ROBO1: variants seen among roughly 807,000 people sequenced by gnomAD.
ROBO1 encodes roundabout guidance receptor 1, also known as roundabout homolog 1.
ROBO1 carries 149 observed loss-of-function variants against 195.9 expected under a neutral mutation model. The ratio of observed to expected loss-of-function variants is 0.76; its 90% CI spans 0.67 to 0.87. The LOEUF (loss-of-function observed/expected upper bound fraction) is 0.87, where lower values mean the gene tolerates loss of function less well. Among genes scored for constraint, ROBO1 ranks in the 40% least tolerant of loss-of-function variants. The probability of loss-of-function intolerance (pLI) is 0.00; values close to 1 mark genes in which losing one functional copy is unlikely to be tolerated. For missense variants in ROBO1, 1,933 were observed against 2,068.3 expected (o/e 0.93, Z 1.27); for synonymous variants, 816 against 733.2 (o/e 1.11, Z -1.82).
Position 78,794,527 on chromosome 3 carries a change from T to C in ROBO1, c.500-47627A>G, listed in dbSNP as rs1576179036. On this transcript the variant is annotated intron_variant, in intron 4 of 30. Coordinates refer to ENST00000464233, the MANE Select transcript of ROBO1 (RefSeq NM_002941.4). ...TTACAAGGCATACTAACAACCAGGATGTAGAGTGTTGAATGGAGCACAACA... is the reference window on the plus strand; with the variant it reads ...TTACAAGGCATACTAACAACCAGGACGTAGAGTGTTGAATGGAGCACAACA... Among the ~76,000 whole-genome samples, 3 of 152,144 alleles carry C rather than the reference T, an allele frequency of 2.0e-5. No individual in the cohort carries two copies. The South Asian group carries it at 6.2e-4, about 32-fold the overall frequency.
intron 2 of ROBO1, among the ~76,000 whole-genome samples, chr3:79,158,957 C>T (rs939478388): frequency 6.6e-6 from 1 of 151,862 alleles, no homozygotes; most frequent in South Asian, 2.1e-4. Flanking sequence ...AGATTAGGTG[C>T]CATTCACTTC....
chr3:79,692,916 G>C (rs1210780241), intron 1 of ROBO1, among the ~76,000 whole-genome samples: 1 of 151,740 alleles, frequency 6.6e-6, no homozygotes, highest in Non-Finnish European at 1.5e-5. Flanking sequence ...ATTCATTTAT[G>C]TTTCATATAC....
intron 29 of ROBO1, among the ~76,000 whole-genome samples, chr3:78,605,993 C>G (rs1022007464): frequency 2.6e-5 from 4 of 152,168 alleles, no homozygotes; most frequent in Non-Finnish European, 4.4e-5. Context: ...TAGAGTGTTA[C>G]TGTAATGTTT....
chr3:79,546,350 T>C (rs1441681512), intron 2 of ROBO1, among the ~76,000 whole-genome samples: 1 of 152,164 alleles, frequency 6.6e-6, no homozygotes, highest in African/African-American at 2.4e-5. Flanking sequence ...TGCAGATTTT[T>C]GACTCTGCAT....
chr3:78,891,098 G>A (rs954499500), intron 4 of ROBO1, among the ~76,000 whole-genome samples: 7 of 152,144 alleles, frequency 4.6e-5, no homozygotes, highest in African/African-American at 1.7e-4. Context: ...GGGACAGGTT[G>A]ACACAACTAT....
At chr3:78,989,401 G>T (rs1330585970) in intron 3 of ROBO1, among the ~76,000 whole-genome samples, 1 of 152,182 alleles carries the variant, frequency 6.6e-6, no homozygotes, top group African/African-American at 2.4e-5. Flanking sequence ...AACACTTGAG[G>T]TTAGGAGTTT....
At position 78,621,991 on chromosome 3, in the gene ROBO1, A is replaced by T. The variant is rs529592382; in HGVS notation, c.3876-3950T>A. Among the ~76,000 whole-genome samples, 14 of 152,330 alleles carry T rather than the reference A, an allele frequency of 9.2e-5. No homozygotes were observed. The South Asian group carries it at 2.9e-3, about 32-fold the overall frequency. On this transcript the variant is annotated intron_variant, in intron 26 of 30. Transcript: ENST00000464233. ...TTATCTGTATTAATCAAACAAGTAA[A>T]TGTTCATGTATTCCATATATGAACA...
chr3:79,447,721 CTAA>C lies in ROBO1; in HGVS notation c.88+142100_88+142102del, dbSNP rs1162656301. On this transcript the variant is annotated intron_variant, in intron 2 of 30. Coordinates refer to ENST00000464233, the MANE Select transcript of ROBO1 (RefSeq NM_002941.4). ...AAACAAAAACCAGTCCATAAGTGTA[CTAA>C]TGTTATGGATACACTAGATAGAGTT... is the stretch of plus-strand genomic sequence containing the variant. Among the ~76,000 whole-genome samples the C allele has an allele frequency of 3.3e-5, 5 of 152,230 alleles. No homozygotes were observed. In the East Asian group the frequency reaches 5.8e-4, roughly 18 times the overall value.
chr3:79,036,300 GA>G (rs1487242551), intron 3 of ROBO1, among the ~76,000 whole-genome samples: 2 of 151,546 alleles, frequency 1.3e-5, no homozygotes, highest in Non-Finnish European at 2.9e-5. Context: ...TTATTTGGAT[GA>G]ATTTTGCCTT....
At chr3:78,656,191 T>C (rs1289190819) in intron 18 of ROBO1, among the ~76,000 whole-genome samples, 3 of 152,094 alleles carry the variant, frequency 2.0e-5, no homozygotes, top group African/African-American at 4.8e-5. Flanking sequence ...AATCAGCATA[T>C]AAACATATTC....
At chr3:79,517,368 C>T (rs896890952) in intron 2 of ROBO1, among the ~76,000 whole-genome samples, 9 of 152,196 alleles carry the variant, frequency 5.9e-5, no homozygotes, top group East Asian at 1.9e-4. Flanking sequence ...CAGAAATTTC[C>T]TTGCCGGTGG....
rs556925144 is a variant in ROBO1, at chr3:79,129,386, G to A, written c.89-3847C>T. ...AAACTTACAATATATAAGGTTATAT[G>A]TGTGTGTGTATATATGTACATACAT... On this transcript the variant is annotated intron_variant, in intron 2 of 30. Transcript: ENST00000464233. 1.6e-3 allele frequency among the ~76,000 whole-genome samples: 249 copies of A among 151,988 alleles called. 2 individuals are homozygous for A. Among genetic ancestry groups the A allele is most frequent in the African/African-American group, 5.5e-3 (227 of 41,474 alleles).
intron 19 of ROBO1, among the ~76,000 whole-genome samples, chr3:78,648,227 TA>T (rs1706424445): frequency 6.6e-6 from 1 of 151,988 alleles, no homozygotes. Flanking sequence ...ATGAACTGAA[TA>T]AAAGAGAACC....
chr3:79,480,380 T>C (rs1938774307), intron 2 of ROBO1, among the ~76,000 whole-genome samples: 1 of 152,178 alleles, frequency 6.6e-6, no homozygotes, highest in South Asian at 2.1e-4. Flanking sequence ...TTCTCAAGTA[T>C]ATCTATAGGG....
intron 3 of ROBO1, among the ~76,000 whole-genome samples, chr3:78,995,710 G>A (rs1228824400): frequency 6.7e-6 from 1 of 149,016 alleles, no homozygotes; most frequent in Non-Finnish European, 1.5e-5. Context: ...AGGCTACAGT[G>A]AACTATGATG....
intron 2 of ROBO1, among the ~76,000 whole-genome samples, chr3:79,224,727 C>T (rs1213059575): frequency 6.6e-6 from 1 of 152,146 alleles, no homozygotes; most frequent in Non-Finnish European, 1.5e-5. Flanking sequence ...TATTAATTTA[C>T]ATGTGTATGA....
chr3:79,533,499 T>G (rs188169596), intron 2 of ROBO1, among the ~76,000 whole-genome samples: 2 of 152,294 alleles, frequency 1.3e-5, no homozygotes, highest in East Asian at 3.9e-4. Context: ...ACTAATATTC[T>G]AATGACTTCC....
intron 2 of ROBO1, among the ~76,000 whole-genome samples, chr3:79,295,758 C>T (rs560833240): frequency 2.3e-4 from 35 of 151,794 alleles, no homozygotes; most frequent in Non-Finnish European, 3.7e-4. Context: ...TATTTATAAC[C>T]GGTAAGATAA....
Position 78,639,868 on chromosome 3 carries a change from G to C in ROBO1, c.2913C>G (p.Ala971=), listed in dbSNP as rs762238608. The C allele has an allele frequency of 6.2e-7, 1 of 1,607,434 alleles. No individual in the cohort carries two copies. The highest frequency in any genetic ancestry group is 1.7e-5 in the Admixed American group (1 of 59,228). ...ACGTGTCTGCCAGCCATGGCTGCGC[G>C]GCAGGTTCACTGATGTTGAGAAGTC... ...RPGLLNISEP[A]AQPWLADTWP... The change falls in exon 22 of 31, where the codon GCC becomes GCG. Residue 971 remains alanine, a synonymous_variant. Coordinates refer to ENST00000464233, the MANE Select transcript of ROBO1 (RefSeq NM_002941.4).
Sources: allele counts gnomAD v4.1 joint callset (sites outside exome capture counted in the v4.1 genomes callset), GRCh38; gene constraint gnomAD v4.1.1; transcripts MANE v1.5; gene names NCBI Gene and HGNC (gene_info 2026-07-23, HGNC 2026-07-21).